The following CLDN16 variants were observed in gnomAD, a reference collection of about 807,000 sequenced individuals.
CLDN16 encodes claudin 16.
Under a neutral mutation model 24.6 loss-of-function variants are expected in CLDN16, and 13 were observed. The observed-to-expected ratio is 0.53, with a 90% confidence interval of 0.34 to 0.84. The LOEUF is 0.84. Ranked by LOEUF, CLDN16 falls within the 40% of genes least tolerant of loss-of-function variation. The pLI, the probability that CLDN16 is intolerant of heterozygous loss-of-function variation, is 0.01. For missense variants in CLDN16, 298 were observed against 292.7 expected (o/e 1.02, Z -0.13); for synonymous variants, 116 against 106.7 (o/e 1.09, Z -0.54).
chr3:190,314,093 G>T, the CLDN16 span, among the ~76,000 whole-genome samples: 4 of 152,136 alleles, frequency 2.6e-5, no homozygotes, highest in Non-Finnish European at 4.4e-5. Context: ...TCTTGAGCAA[G>T]AAACTTAGTA....
chr3:190,350,344 T>TTATATATATATATATATA lies in CLDN16; in HGVS notation n.122-20544_122-20527dup, dbSNP rs10563626. On this transcript the variant is annotated intron_variant and non_coding_transcript_variant, in intron 1 of 4. Transcript: ENST00000468220. Reference sequence around the variant, plus strand: ...AGTTTAAGAATCATAGTTCATAATGTTATATATATATATATATATATACTT... The same window carrying TTATATATATATATATATA: ...AGTTTAAGAATCATAGTTCATAATGTTATATATATATATATATATATATATATATATATATATATACTT... Among the ~76,000 whole-genome samples the TTATATATATATATATATA allele has an allele frequency of 6.9e-3, 974 of 141,856 alleles. 16 individuals are homozygous for TTATATATATATATATATA. The highest frequency in any genetic ancestry group is 7.9e-3 in the African/African-American group (306 of 38,744). 93.1% of individuals were successfully genotyped at this position (141,856 alleles called of 152,430 possible).
intron 1 of CLDN16, among the ~76,000 whole-genome samples, chr3:190,336,461 T>A (rs1253013238): frequency 6.6e-6 from 1 of 152,162 alleles, no homozygotes; most frequent in Non-Finnish European, 1.5e-5. Flanking sequence ...TATACTACCA[T>A]TAAAAAAGAA....
At chr3:190,327,655 C>G (rs920653555) in intron 1 of CLDN16, among the ~76,000 whole-genome samples, 2 of 152,194 alleles carry the variant, frequency 1.3e-5, no homozygotes, top group Non-Finnish European at 2.9e-5. Context: ...TATCCTACAC[C>G]TGAAGCAAAT....
At chr3:190,358,417 G>A (rs1246755138) in intron 1 of CLDN16, among the ~76,000 whole-genome samples, 1 of 151,904 alleles carries the variant, frequency 6.6e-6, no homozygotes, top group East Asian at 1.9e-4. Flanking sequence ...ACATAGGACT[G>A]AATACTTCAA....
chr3:190,399,094 G>C (rs1267970621), intron 1 of CLDN16, among the ~76,000 whole-genome samples: 1 of 152,104 alleles, frequency 6.6e-6, no homozygotes, highest in Non-Finnish European at 1.5e-5. Flanking sequence ...GGTGAAGTTC[G>C]CAGAATAATA....
At chr3:190,354,777 G>A (rs1388142557) in intron 1 of CLDN16, among the ~76,000 whole-genome samples, 2 of 152,038 alleles carry the variant, frequency 1.3e-5, no homozygotes, top group Non-Finnish European at 2.9e-5. Context: ...CTAGCGAGAA[G>A]CAGGGAGAAG....
At chr3:190,310,066 C>A in the CLDN16 span, 1 of 945,088 alleles carries the variant, frequency 1.1e-6, no homozygotes, top group East Asian at 2.5e-5. Flanking sequence ...ACATAAAATT[C>A]TTGAAAGCAA....
chr3:190,347,607 C>T (rs1259788214), intron 1 of CLDN16, among the ~76,000 whole-genome samples: 1 of 152,116 alleles, frequency 6.6e-6, no homozygotes, highest in African/African-American at 2.4e-5. Context: ...AGTTCCTGCC[C>T]TCATGGAAAT....
rs762095241 is a variant in CLDN16, at chr3:190,408,420, T to A, written c.489T>A (p.Gly163=). ...TTCTTGGTATCCAATATAAATTTGG[T>A]TGGTCCTGTTGGCTCGGAATGGCTG... ...NIFLGIQYKF[G]WSCWLGMAGS... is the part of the protein sequence containing the mutation. The change falls in exon 4 of 5, where the codon GGT becomes GGA. Residue 163 remains glycine (G), a synonymous_variant. Transcript: ENST00000264734. The A allele has an allele frequency of 2.8e-5, 45 of 1,613,998 alleles. No homozygotes were observed. Among genetic ancestry groups the A allele is most frequent in the Non-Finnish European group, 3.5e-5 (41 of 1,180,032 alleles).
chr3:190,314,647 G>T, the CLDN16 span, among the ~76,000 whole-genome samples: 1 of 151,578 alleles, frequency 6.6e-6, no homozygotes, highest in African/African-American at 2.4e-5. Flanking sequence ...CAGGTGGTCT[G>T]CCCACCTCGG....
At chr3:190,409,613 C>T (rs1719218500) in intron 4 of CLDN16, among the ~76,000 whole-genome samples, 1 of 151,626 alleles carries the variant, frequency 6.6e-6, no homozygotes, top group Non-Finnish European at 1.5e-5. Context: ...AAGAATTTAA[C>T]ATGTTATGTT....
At chr3:190,382,372 G>A (rs561243579) in intron 3 of CLDN16, among the ~76,000 whole-genome samples, 1 of 152,230 alleles carries the variant, frequency 6.6e-6, no homozygotes, top group South Asian at 2.1e-4. Context: ...ATGATTCACT[G>A]AGTAATTGCT....
intron 1 of CLDN16, among the ~76,000 whole-genome samples, chr3:190,325,598 T>G (rs1204552017): frequency 6.6e-6 from 1 of 152,018 alleles, no homozygotes; most frequent in Admixed American, 6.5e-5. Context: ...GAACCAATAA[T>G]AAGTAGAAGA....
intron 1 of CLDN16, among the ~76,000 whole-genome samples, chr3:190,391,680 G>T (rs1718679296): frequency 6.6e-6 from 1 of 152,162 alleles, no homozygotes; most frequent in African/African-American, 2.4e-5. Flanking sequence ...GAGGACTAAA[G>T]TGGGCAACAC....
chr3:190,379,216 A>G (rs577857509), intron 3 of CLDN16, among the ~76,000 whole-genome samples: 187 of 152,186 alleles, frequency 1.2e-3, no homozygotes, highest in African/African-American at 4.3e-3. Context: ...CTTGGACTGA[A>G]ACCAAGTTTC....
intron 3 of CLDN16, among the ~76,000 whole-genome samples, chr3:190,377,828 C>T (rs532219539): frequency 6.0e-4 from 91 of 152,052 alleles, no homozygotes; most frequent in South Asian, 2.7e-3. Flanking sequence ...TTAGGTTTCT[C>T]GTTAACAGCT....
the CLDN16 span, among the ~76,000 whole-genome samples, chr3:190,310,903 G>T: frequency 6.6e-6 from 1 of 152,128 alleles, no homozygotes. Flanking sequence ...TGATAGCAGA[G>T]AAATCATTTA....
chr3:190,310,658 G>C, the CLDN16 span, among the ~76,000 whole-genome samples: 1 of 152,138 alleles, frequency 6.6e-6, no homozygotes, highest in Non-Finnish European at 1.5e-5. Flanking sequence ...ACTCTTCTAT[G>C]TTCTTGATCA....
At chr3:190,367,078 T>G (rs1251235293) in intron 1 of CLDN16, among the ~76,000 whole-genome samples, 1 of 151,980 alleles carries the variant, frequency 6.6e-6, no homozygotes. Context: ...TGAAATCCTT[T>G]TTATCTTTAG....
Sources: gnomAD v4.1 joint callset for allele counts (sites outside exome capture counted in the v4.1 genomes callset) on GRCh38, gnomAD v4.1.1 for gene constraint, MANE v1.5 for transcripts, NCBI Gene and HGNC (gene_info 2026-07-23, HGNC 2026-07-21) for gene names.